MYADM: variants seen among roughly 807,000 people sequenced by gnomAD.
The protein encoded by MYADM is myeloid-associated differentiation marker.
For missense variants in MYADM, 416 were observed against 443.4 expected (o/e 0.94, Z 0.56); for synonymous variants, 224 against 210.2 (o/e 1.07, Z -0.57).
At chr19:53,871,062 CTCT>C (rs2068374915) in intron 2 of MYADM, among the ~76,000 whole-genome samples, 1 of 152,178 alleles carries the variant, frequency 6.6e-6, no homozygotes, top group Non-Finnish European at 1.5e-5. Context: ...GAAACCCCAT[CTCT>C]ACTGAAAATA....
At position 53,874,407 on chromosome 19, in the gene MYADM, G is replaced by A; in HGVS notation, c.878G>A (p.Arg293Gln). 2 of 1,614,192 alleles carry A rather than the reference G, an allele frequency of 1.2e-6. No individual in the cohort carries two copies. Among genetic ancestry groups the A allele is most frequent in the Admixed American group, 1.7e-5 (1 of 60,020 alleles). The change falls in exon 3 of 3, where the codon CGA becomes CAA. Residue 293 changes from arginine (R) to glutamine (Q), a missense_variant. Transcript: ENST00000391770. Reference protein sequence around the residue: ...HAYYVCAWDRRLAVAILTAIN... With the variant: ...HAYYVCAWDRQLAVAILTAIN... Reference sequence around the variant, plus strand: ...TACTACGTGTGTGCCTGGGACCGCCGACTGGCTGTGGCCATCCTGACGGCC... The same window carrying A: ...TACTACGTGTGTGCCTGGGACCGCCAACTGGCTGTGGCCATCCTGACGGCC...
chr19:53,874,619 C>A lies in MYADM; in HGVS notation c.*121C>A. 8.3e-7 allele frequency: 1 copy of A among 1,202,496 alleles called. No homozygotes were observed. The highest frequency in any genetic ancestry group is 1.1e-6 in the Non-Finnish European group (1 of 873,878). The allele number at this position is 1,202,496 out of a possible 1,614,324, so 74.5% of individuals were successfully genotyped here. A position where few individuals can be genotyped will look rare whatever the true frequency, so the allele number is the denominator to read the frequency against. On this transcript the variant is annotated 3_prime_UTR_variant, in exon 3 of 3. Transcript: ENST00000391770. ...GTTTTCCTCTTCCTGTCTCCCCTCC[C>A]TCCCACCTTTTTCTTTCCTTCCCAA...
At chr19:53,869,139 G>A (rs2068305199) in intron 1 of MYADM, 1 of 152,300 alleles carries the variant, frequency 6.6e-6, no homozygotes, top group African/African-American at 2.4e-5. Flanking sequence ...AGGCGTAGCT[G>A]GGCCTCGGGC....
chr19:53,874,187 G>T lies in MYADM; in HGVS notation c.658G>T (p.Ala220Ser), dbSNP rs748886165. The change falls in exon 3 of 3, where the codon GCC becomes TCC. Residue 220 changes from alanine (A) to serine (S), a missense_variant. Transcript: ENST00000391770. ...YAICFILAAIAILLNLGECTN... is the reference protein window; with the variant it reads ...YAICFILAAISILLNLGECTN... ...CATCTGCTTCATCCTAGCGGCCATC[G>T]CCATCCTGCTGAACCTGGGGGAGTG... The T allele has an allele frequency of 6.2e-7, 1 of 1,613,876 alleles. No individual in the cohort carries two copies. The highest frequency in any genetic ancestry group is 8.5e-7 in the Non-Finnish European group (1 of 1,179,948).
chr19:53,871,845 GC>G (rs1362249740), intron 2 of MYADM, among the ~76,000 whole-genome samples: 1 of 152,050 alleles, frequency 6.6e-6, no homozygotes, highest in African/African-American at 2.4e-5. Context: ...TTGGGTTGTG[GC>G]AGGAGGCAGA....
chr19:53,869,098 A>G (rs1226442533), intron 1 of MYADM: 1 of 152,222 alleles, frequency 6.6e-6, no homozygotes, highest in African/African-American at 2.4e-5. Flanking sequence ...TGCTCCCGCA[A>G]GCCCCGAATG....
intron 2 of MYADM, among the ~76,000 whole-genome samples, chr19:53,870,073 A>G (rs1456709299): frequency 2.3e-4 from 2 of 8,658 alleles, no homozygotes; most frequent in Non-Finnish European, 4.0e-4. Context: ...CCGAGGGAGG[A>G]GGGGCTGGGG....
In MYADM at chr19:53,876,295, T is replaced by A. The variant is rs905944998; in HGVS notation, c.*1797T>A. The A allele has an allele frequency of 6.1e-6, 1 of 164,044 alleles. No individual in the cohort carries two copies. The highest frequency in any genetic ancestry group is 2.4e-5 in the African/African-American group (1 of 40,918). 10.2% of individuals were successfully genotyped at this position (164,044 alleles called of 1,614,324 possible). On this transcript the variant is annotated 3_prime_UTR_variant, in exon 3 of 3. Coordinates refer to ENST00000391770, the MANE Select transcript of MYADM (RefSeq NM_138373.5). ...ATATATATATATAAATGTATAAATA[T>A]ATATTTTATTTTTTTTTAAATCCCT...
At chr19:53,867,180 C>T (rs543193797), upstream of MYADM, among the ~76,000 whole-genome samples, 14 of 152,304 alleles carry the variant, frequency 9.2e-5, no homozygotes, top group South Asian at 2.5e-3. Context: ...CATTTTGCCG[C>T]CCCTTCAAGT....
chr19:53,873,491 T>C lies in MYADM; in HGVS notation c.-2-37T>C. 3.2e-6 allele frequency: 5 copies of C among 1,542,402 alleles called. No individual in the cohort carries two copies. The highest frequency in any genetic ancestry group is 1.4e-5 in the African/African-American group (1 of 72,536). On this transcript the variant is annotated intron_variant, in intron 2 of 2. Transcript: ENST00000391770. This position sits in a 1 kb window ranked among gnomAD's most constrained non-coding sequence, Gnocchi z 4.3. ...TAAGGGACCTGGATTCTTATGTTTG[T>C]GACTGTATAAGGACACTGTCTTTCC...
chr19:53,869,246 G>C (rs1281234993), intron 1 of MYADM: 2 of 152,302 alleles, frequency 1.3e-5, no homozygotes, highest in African/African-American at 4.8e-5. Context: ...CTCTTGGGGG[G>C]GCTCTCAGCC....
chr19:53,876,127 A>T lies in MYADM; in HGVS notation c.*1629A>T, dbSNP rs980502706. On this transcript the variant is annotated 3_prime_UTR_variant, in exon 3 of 3. Transcript: ENST00000391770. ...CTGTTCTCTTTTGCCCGTAGGTGGGAGGGTGGGGATTGCTGCGTCCTAGCT... is the reference window on the plus strand; with the variant it reads ...CTGTTCTCTTTTGCCCGTAGGTGGGTGGGTGGGGATTGCTGCGTCCTAGCT... The T allele has an allele frequency of 5.4e-5, 9 of 166,640 alleles. No individual in the cohort carries two copies. The highest frequency in any genetic ancestry group is 1.3e-4 in the Non-Finnish European group (9 of 68,042). The allele number at this position is 166,640 out of a possible 1,614,324, so 10.3% of individuals were successfully genotyped here. A position where few individuals can be genotyped will look rare whatever the true frequency, so the allele number is the denominator to read the frequency against.
Sources: allele counts gnomAD v4.1 joint callset (sites outside exome capture counted in the v4.1 genomes callset), GRCh38; gene constraint gnomAD v4.1.1; non-coding constraint Gnocchi (gnomAD v3.1); transcripts MANE v1.5; gene names NCBI Gene and HGNC (gene_info 2026-07-23, HGNC 2026-07-21).